The following RORB variants were observed in gnomAD, a reference collection of about 807,000 sequenced individuals.
The protein encoded by RORB is RAR related orphan receptor B, also known as nuclear receptor ROR-beta.
In RORB, 6 loss-of-function variants were observed where a neutral mutation model predicts 59.1. That is an observed-to-expected ratio of 0.10 (90% CI 0.06 to 0.20). RORB has a LOEUF of 0.20. RORB is among the 10% of genes least tolerant of loss of function. RORB has a pLI of 1.00. For missense variants in RORB, 320 were observed against 560.5 expected, an observed-to-expected ratio of 0.57 and a Z score of 4.33; for synonymous variants, 215 against 204.5, an observed-to-expected ratio of 1.05 and a Z score of -0.44.
At chr9:74,563,498 CA>C (rs1200764269) in intron 1 of RORB, among the ~76,000 whole-genome samples, 3 of 152,134 alleles carry the variant, frequency 2.0e-5, no homozygotes, top group Non-Finnish European at 4.4e-5. Context: ...GTATCCTTAT[CA>C]GAACTATTTC....
At chr9:74,673,554 G>A (rs956201384) in intron 9 of RORB, among the ~76,000 whole-genome samples, 4 of 152,132 alleles carry the variant, frequency 2.6e-5, no homozygotes, top group African/African-American at 9.7e-5. Flanking sequence ...AGGGTAAAAT[G>A]TTTATGCTTG....
In RORB at chr9:74,664,078, A is replaced by G. The variant is rs72730912; in HGVS notation, c.893-1410A>G. 9.6e-3 allele frequency among the ~76,000 whole-genome samples: 1,463 copies of G among 152,110 alleles called. 9 individuals carry two copies. The highest frequency in any genetic ancestry group is 0.02 in the Middle Eastern group (6 of 294). ...TATGGGATGGAAGATATTTTTTCTG[A>G]CCCTCTTTGAAAAGTGAAATCTGCC... On this transcript the variant is annotated intron_variant, in intron 6 of 9. Coordinates refer to ENST00000376896, the MANE Select transcript of RORB (RefSeq NM_006914.4).
chr9:74,644,675 G>C (rs1352325455), intron 4 of RORB, among the ~76,000 whole-genome samples: 3 of 152,096 alleles, frequency 2.0e-5, no homozygotes, highest in African/African-American at 7.2e-5. Context: ...ACCTTCCTTT[G>C]CATTTATACT....
At chr9:74,549,676 CTG>C (rs1267214218) in intron 1 of RORB, among the ~76,000 whole-genome samples, 1 of 151,382 alleles carries the variant, frequency 6.6e-6, no homozygotes, top group African/African-American at 2.4e-5. Flanking sequence ...GTAGGATTAT[CTG>C]TATTTTTTGA....
intron 1 of RORB, among the ~76,000 whole-genome samples, chr9:74,532,860 A>ATG (rs1554665003): frequency 9.6e-5 from 3 of 31,364 alleles, no homozygotes; most frequent in Non-Finnish European, 1.3e-4. Context: ...ACACATATAT[A>ATG]TGTGTGTGTG....
intron 1 of RORB, among the ~76,000 whole-genome samples, chr9:74,550,687 G>A (rs977693274): frequency 2.0e-5 from 3 of 152,180 alleles, no homozygotes; most frequent in Admixed American, 6.5e-5. Context: ...CTGGAAGAAA[G>A]CAATTGTCAG....
intron 9 of RORB, among the ~76,000 whole-genome samples, chr9:74,680,878 T>G (rs1351306708): frequency 6.6e-6 from 1 of 152,124 alleles, no homozygotes; most frequent in Non-Finnish European, 1.5e-5. Context: ...GCATGTTCCA[T>G]TTTTCTAACA....
At chr9:74,593,448 A>G (rs1276116111) in intron 1 of RORB, among the ~76,000 whole-genome samples, 1 of 145,166 alleles carries the variant, frequency 6.9e-6, no homozygotes, top group African/African-American at 2.6e-5. Context: ...CCTGGGCAAC[A>G]AGAGCTCAAA....
intron 4 of RORB, among the ~76,000 whole-genome samples, chr9:74,646,279 G>C (rs1024938088): frequency 6.6e-6 from 1 of 152,094 alleles, no homozygotes; most frequent in African/African-American, 2.4e-5. Flanking sequence ...TTAAAAACCA[G>C]TTTTTAGACC....
chr9:74,654,898 AAGAG>A (rs1377035078), intron 4 of RORB, among the ~76,000 whole-genome samples: 5 of 152,198 alleles, frequency 3.3e-5, no homozygotes, highest in Non-Finnish European at 5.9e-5. Flanking sequence ...AAGGAAGAGA[AAGAG>A]AGAAAGTGAT....
intron 4 of RORB, among the ~76,000 whole-genome samples, chr9:74,655,810 AC>A (rs770236659): frequency 6.6e-6 from 1 of 152,142 alleles, no homozygotes; most frequent in African/African-American, 2.4e-5. Context: ...CTCCCATGAG[AC>A]CAAGTCTAGC....
intron 1 of RORB, among the ~76,000 whole-genome samples, chr9:74,618,515 C>T (rs1433015943): frequency 2.6e-5 from 4 of 152,154 alleles, no homozygotes; most frequent in Middle Eastern, 3.4e-3. Context: ...AGAACATAGC[C>T]TCCTTCTTTT....
intron 1 of RORB, among the ~76,000 whole-genome samples, chr9:74,520,266 A>G (rs1826067074): frequency 6.6e-6 from 1 of 151,928 alleles, no homozygotes; most frequent in Non-Finnish European, 1.5e-5. Flanking sequence ...TTCGCAAGCA[A>G]TTTTGCCACA....
chr9:74,588,727 T>A (rs1402911673), intron 1 of RORB, among the ~76,000 whole-genome samples: 3 of 152,256 alleles, frequency 2.0e-5, no homozygotes, highest in Non-Finnish European at 2.9e-5. Context: ...ACATAAGTAC[T>A]GGAGCTTTTA....
At chr9:74,640,386 CA>C (rs1424907338) in intron 3 of RORB, among the ~76,000 whole-genome samples, 2 of 152,008 alleles carry the variant, frequency 1.3e-5, no homozygotes, top group Non-Finnish European at 2.9e-5. Flanking sequence ...GAAGACAAAG[CA>C]CACACCACCA....
At chr9:74,598,012 A>G (rs924236155) in intron 1 of RORB, among the ~76,000 whole-genome samples, 3 of 152,140 alleles carry the variant, frequency 2.0e-5, no homozygotes, top group African/African-American at 7.2e-5. Context: ...TTTGATATAC[A>G]TTAGGTTAAA....
At chr9:74,682,051 CTT>C (rs913551788) in intron 9 of RORB, among the ~76,000 whole-genome samples, 1 of 152,084 alleles carries the variant, frequency 6.6e-6, no homozygotes, top group African/African-American at 2.4e-5. Flanking sequence ...GGCCTTGACT[CTT>C]TCTCTCCTGA....
intron 1 of RORB, among the ~76,000 whole-genome samples, chr9:74,602,666 C>A (rs994669653): frequency 6.6e-6 from 1 of 152,170 alleles, no homozygotes; most frequent in Admixed American, 6.5e-5. Flanking sequence ...TTATGTAGCA[C>A]CTTTCTCCCC....
intron 1 of RORB, among the ~76,000 whole-genome samples, chr9:74,538,252 A>G (rs950700388): frequency 6.6e-6 from 1 of 152,058 alleles, no homozygotes; most frequent in Non-Finnish European, 1.5e-5. Flanking sequence ...CAACAATGAA[A>G]TCACCTAACA....
Sources: allele counts gnomAD v4.1 joint callset (sites outside exome capture counted in the v4.1 genomes callset), GRCh38; gene constraint gnomAD v4.1.1; transcripts MANE v1.5; gene names NCBI Gene and HGNC (gene_info 2026-07-23, HGNC 2026-07-21).